Variants in LPGAT1 observed in about 807,000 individuals in gnomAD.
LPGAT1 encodes the protein acyl-CoA:lysophosphatidylglycerol acyltransferase 1.
A neutral mutation model predicts 47.5 loss-of-function variants in LPGAT1; 11 were observed. The ratio of observed to expected loss-of-function variants is 0.23; its 90% CI spans 0.15 to 0.38. The LOEUF (loss-of-function observed/expected upper bound fraction) is 0.38, where lower values mean the gene tolerates loss of function less well. LPGAT1 is among the 10% of genes least tolerant of loss of function. LPGAT1 has a pLI of 1.00. For missense variants in LPGAT1, 293 were observed against 439.0 expected, an observed-to-expected ratio of 0.67 and a Z score of 2.97; for synonymous variants, 138 against 144.2, an observed-to-expected ratio of 0.96 and a Z score of 0.31.
intron 2 of LPGAT1, among the ~76,000 whole-genome samples, chr1:211,805,977 A>C (rs1455661659): frequency 1.3e-5 from 2 of 152,178 alleles, no homozygotes; most frequent in African/African-American, 2.4e-5. Context: ...TCCAAATATC[A>C]GGCCGGGCGC....
intron 6 of LPGAT1, among the ~76,000 whole-genome samples, chr1:211,755,687 A>C (rs1657411811): frequency 6.6e-6 from 1 of 151,566 alleles, no homozygotes; most frequent in African/African-American, 2.4e-5. Flanking sequence ...GCAAGACTCC[A>C]TCTCAAAAAA....
intron 2 of LPGAT1, among the ~76,000 whole-genome samples, chr1:211,806,678 A>G (rs11487823): frequency 0.33 from 49,592 of 152,068 alleles, 9,263 homozygotes; most frequent in Non-Finnish European, 0.43. Context: ...AACAAATAAA[A>G]TTTTTTTAAA....
intron 2 of LPGAT1, among the ~76,000 whole-genome samples, chr1:211,804,313 G>C (rs1659680219): frequency 6.6e-6 from 1 of 151,976 alleles, no homozygotes; most frequent in Non-Finnish European, 1.5e-5. Context: ...GGCTCCCACA[G>C]TATTGGGAAT....
chr1:211,830,184 TCGGCGGGCGCGGA>T lies in LPGAT1; in HGVS notation c.-28+376_-28+388del. On this transcript the variant is annotated intron_variant, in intron 1 of 7. Coordinates refer to ENST00000366997, the MANE Select transcript of LPGAT1 (RefSeq NM_014873.3). The surrounding 1 kb of genome is among the most constrained non-coding windows in gnomAD (Gnocchi z 5.9). ...GCGCGGCCCGCGCGCCGGGCTCACC[TCGGCGGGCGCGGA>T]CGGCGGGCGGCTGCGGAGAGCGGGG... The T allele has an allele frequency of 2.0e-6, 2 of 982,478 alleles. No individual in the cohort carries two copies. Among genetic ancestry groups the T allele is most frequent in the Non-Finnish European group, 1.2e-6 (1 of 828,966 alleles). 60.9% of individuals were successfully genotyped at this position (982,478 alleles called of 1,614,324 possible). A position where few individuals can be genotyped will look rare whatever the true frequency, so the allele number is the denominator to read the frequency against.
intron 2 of LPGAT1, among the ~76,000 whole-genome samples, chr1:211,798,427 G>A (rs908063812): frequency 2.0e-5 from 3 of 152,120 alleles, no homozygotes; most frequent in African/African-American, 7.2e-5. Context: ...CCTCATACCT[G>A]TAATCCCAGC....
chr1:211,783,547 T>A, intron 4 of LPGAT1, 45 bp from the exon 5 acceptor site: 2 of 1,498,898 alleles, frequency 1.3e-6, no homozygotes, highest in South Asian at 2.6e-5. Flanking sequence ...ATATCCAAAA[T>A]TAAAATGCCA....
chr1:211,761,926 T>C (rs922588008), intron 6 of LPGAT1, among the ~76,000 whole-genome samples: 2 of 152,178 alleles, frequency 1.3e-5, no homozygotes, highest in African/African-American at 4.8e-5. Context: ...TTCTAAATCC[T>C]AAAATAAATA....
At chr1:211,776,764 C>T (rs1658419312) in intron 6 of LPGAT1, among the ~76,000 whole-genome samples, 1 of 151,274 alleles carries the variant, frequency 6.6e-6, no homozygotes, top group Non-Finnish European at 1.5e-5. Flanking sequence ...AAAAAAAAAC[C>T]TTCATGAATA....
At position 211,749,923 on chromosome 1, in the gene LPGAT1, C is replaced by T. The variant is rs1657103676; in HGVS notation, c.1089G>A (p.Gln363=). ...LSGYMWYNII[Q]YFYHCLF is the part of the protein sequence containing the mutation. ...CCTAAAACAGGCAATGGTAAAAATACTGAATGATGTTGTACCACATATAGC... is the reference window on the plus strand; with the variant it reads ...CCTAAAACAGGCAATGGTAAAAATATTGAATGATGTTGTACCACATATAGC... Residue 363 remains glutamine, a synonymous_variant, in exon 8 of 8, where the codon CAG becomes CAA. Coordinates refer to ENST00000366997, the MANE Select transcript of LPGAT1 (RefSeq NM_014873.3). The T allele has an allele frequency of 2.5e-6, 4 of 1,613,918 alleles. No homozygotes were observed. The highest frequency in any genetic ancestry group is 3.4e-6 in the Non-Finnish European group (4 of 1,179,942).
At position 211,807,331 on chromosome 1, in the gene LPGAT1, A is replaced by G. The variant is rs112522176; in HGVS notation, c.239-14141T>C. 7.6e-3 allele frequency among the ~76,000 whole-genome samples: 1,154 copies of G among 151,914 alleles called. 20 individuals carry two copies. The highest frequency in any genetic ancestry group is 0.026 in the African/African-American group (1,072 of 41,552). On this transcript the variant is annotated intron_variant, in intron 2 of 7. Coordinates refer to ENST00000366997, the MANE Select transcript of LPGAT1 (RefSeq NM_014873.3). ...AAGACTCAACATAGCAAAAATGTCT[A>G]TTCACCCACAACTTGATCTACAAAT...
chr1:211,809,205 A>G (rs1213217192), intron 2 of LPGAT1, among the ~76,000 whole-genome samples: 1 of 152,102 alleles, frequency 6.6e-6, no homozygotes, highest in Non-Finnish European at 1.5e-5. Flanking sequence ...ACTCCAAAAA[A>G]AAAAAATTAA....
At chr1:211,773,413 A>G (rs1023979129) in intron 6 of LPGAT1, among the ~76,000 whole-genome samples, 12 of 152,322 alleles carry the variant, frequency 7.9e-5, no homozygotes, top group African/African-American at 2.6e-4. Flanking sequence ...CCAAATTAAA[A>G]TAAGTTATTT....
chr1:211,798,933 C>T (rs889983962), intron 2 of LPGAT1, among the ~76,000 whole-genome samples: 1 of 152,056 alleles, frequency 6.6e-6, no homozygotes, highest in Non-Finnish European at 1.5e-5. Flanking sequence ...AGCTGACTAC[C>T]TAGAAAAGAG....
Position 211,830,558 on chromosome 1 carries a change from G to A in LPGAT1, c.-28+15C>T, listed in dbSNP as rs1660702383. ...CTGCCGCTCTGGGGCCTGCGACCGC[G>A]GAGCCGGAGGTTACCTCGGGCTGGC... On this transcript the variant is annotated intron_variant, in intron 1 of 7. Coordinates refer to ENST00000366997, the MANE Select transcript of LPGAT1 (RefSeq NM_014873.3). This position sits in a 1 kb window ranked among gnomAD's most constrained non-coding sequence, Gnocchi z 5.9. The A allele has an allele frequency of 3.5e-6, 4 of 1,127,322 alleles. No homozygotes were observed. The South Asian group carries it at 1.7e-4, about 49-fold the overall frequency. 69.8% of individuals were successfully genotyped at this position (1,127,322 alleles called of 1,614,324 possible).
intron 6 of LPGAT1, among the ~76,000 whole-genome samples, chr1:211,766,037 A>G (rs1309956560): frequency 2.6e-5 from 4 of 152,246 alleles, no homozygotes; most frequent in African/African-American, 9.6e-5. Flanking sequence ...TGGGCCATAC[A>G]TCTTCTCCTC....
At chr1:211,811,114 TAAAAGTAATTGG>T (rs1390832559) in intron 2 of LPGAT1, among the ~76,000 whole-genome samples, 1 of 152,308 alleles carries the variant, frequency 6.6e-6, no homozygotes, top group African/African-American at 2.4e-5. Flanking sequence ...TCCAATTCTT[TAAAAGTAATTGG>T]AAAGTCAAGA....
intron 2 of LPGAT1, among the ~76,000 whole-genome samples, chr1:211,811,718 CCCG>C (rs901585506): frequency 6.6e-6 from 1 of 151,906 alleles, no homozygotes; most frequent in Non-Finnish European, 1.5e-5. Context: ...GATCCTGCCA[CCCG>C]CCACTGCACT....
rs1176324250 is a variant in LPGAT1 at position 211,744,489 on chromosome 1, A to G, written c.*5410T>C. The G allele has an allele frequency of 6.6e-6, 1 of 152,204 alleles. No homozygotes were observed. The highest frequency in any genetic ancestry group is 6.5e-5 in the Admixed American group (1 of 15,280). 9.4% of individuals were successfully genotyped at this position (152,204 alleles called of 1,614,324 possible). On this transcript the variant is annotated 3_prime_UTR_variant, in exon 8 of 8. Coordinates refer to ENST00000366997, the MANE Select transcript of LPGAT1 (RefSeq NM_014873.3). ...ATGAGTTAGATTTGGACAGTCTGCC[A>G]TTTTTCAAATCACAGTTGAAAGACA...
chr1:211,806,032 G>A (rs1480168962), intron 2 of LPGAT1, among the ~76,000 whole-genome samples: 1 of 152,118 alleles, frequency 6.6e-6, no homozygotes, highest in Non-Finnish European at 1.5e-5. Flanking sequence ...AGCCAAGGTG[G>A]GTGGATCACT....
Sources: allele counts gnomAD v4.1 joint callset (sites outside exome capture counted in the v4.1 genomes callset), GRCh38; gene constraint gnomAD v4.1.1; non-coding constraint Gnocchi (gnomAD v3.1); transcripts MANE v1.5; gene names NCBI Gene and HGNC (gene_info 2026-07-23, HGNC 2026-07-21).